MYL6B: variants seen among roughly 807,000 people sequenced by gnomAD.
The protein encoded by MYL6B is myosin alkali light chain 1 slow a.
MYL6B carries 19 observed loss-of-function variants against 24.5 expected under a neutral mutation model. The observed-to-expected ratio is 0.78, with a 90% confidence interval of 0.54 to 1.14. MYL6B has a LOEUF of 1.14. MYL6B is among the 50% of genes most tolerant of loss of function. The pLI, the probability that MYL6B is intolerant of heterozygous loss-of-function variation, is 0.00. For missense variants in MYL6B, 230 were observed against 263.8 expected (o/e 0.87, Z 0.89); for synonymous variants, 90 against 100.7 (o/e 0.89, Z 0.64).
chr12:56,155,565 G>T lies in MYL6B; in HGVS notation c.493G>T (p.Glu165Ter). 1.2e-6 allele frequency: 2 copies of T among 1,613,762 alleles called. No homozygotes were observed. The highest frequency in any genetic ancestry group is 1.7e-6 in the Non-Finnish European group (2 of 1,179,876). ...GGGGAACGGCAAAGTCATGGGAGCA[G>T]AGCTCAGACATGTTCTCACCACCCT... The change falls in exon 5 of 7, where the codon GAG becomes TAG. Residue 165 changes from glutamate (E) to a stop codon, truncating the protein, a stop_gained. Transcript: ENST00000553066. LOFTEE classifies it high-confidence loss of function.
At chr12:56,157,588 C>T (rs899991830) in intron 6 of MYL6B, 43 bp downstream of exon 6, 1 of 1,612,748 alleles carries the variant, frequency 6.2e-7, no homozygotes. Flanking sequence ...GGGAGGAGGG[C>T]AGCCTGGCGT....
At chr12:56,154,181 G>C in intron 2 of MYL6B, 89 bp downstream of exon 2, 4 of 1,317,344 alleles carry the variant, frequency 3.0e-6, no homozygotes, top group Non-Finnish European at 4.1e-6. Flanking sequence ...CTAGAAGGTA[G>C]GGAATCAGTG....
At chr12:56,155,176 C>T in exon 4 of MYL6B, 3 of 1,610,820 alleles carry the variant, frequency 1.9e-6, no homozygotes, top group South Asian at 1.1e-5. Context: ...TGCTCAAGGT[C>T]CTGGGGAACC....
chr12:56,157,802 T>G, exon 7 of MYL6B: 1 of 1,559,756 alleles, frequency 6.4e-7, no homozygotes, highest in Non-Finnish European at 8.7e-7. Context: ...TCAGCCAACA[T>G]AGAAAAGCAG....
At chr12:56,154,239 C>A in intron 2 of MYL6B, 147 bp downstream of exon 2, 5 of 810,926 alleles carry the variant, frequency 6.2e-6, no homozygotes, top group South Asian at 6.0e-5. Context: ...CATTTGGAAG[C>A]ATCCAGTCTT....
chr12:56,156,522 T>A (rs576893530), intron 5 of MYL6B, among the ~76,000 whole-genome samples: 29 of 151,390 alleles, frequency 1.9e-4, no homozygotes, highest in Non-Finnish European at 1.9e-4. Context: ...GGAGAATCGC[T>A]TTAACCCGGG....
chr12:56,155,688 C>T, intron 5 of MYL6B, 96 bp downstream of exon 5: 1 of 1,590,502 alleles, frequency 6.3e-7, no homozygotes. Flanking sequence ...TAGCAGGAGG[C>T]TTACTGTCCT....
At chr12:56,153,026 C>T (rs3759096) in intron 1 of MYL6B, among the ~76,000 whole-genome samples, 2 of 151,988 alleles carry the variant, frequency 1.3e-5, no homozygotes, top group African/African-American at 2.4e-5. Flanking sequence ...GCCATAGGAG[C>T]GCCCACATCC....
exon 3 of MYL6B, chr12:56,154,831 C>A: frequency 6.2e-7 from 1 of 1,613,018 alleles, no homozygotes; most frequent in Non-Finnish European, 8.5e-7. Context: ...TAACAAGGAC[C>A]AGCTGGAGGG....
At chr12:56,153,783 T>G (rs1871199157) in intron 1 of MYL6B, 90 bp from the exon 2 acceptor site, 1 of 887,896 alleles carries the variant, frequency 1.1e-6, no homozygotes, top group Admixed American at 2.9e-5. Flanking sequence ...CGGTTATATC[T>G]CTCCTCTACC....
chr12:56,157,181 G>A (rs1871354168), intron 5 of MYL6B: 1 of 388,900 alleles, frequency 2.6e-6, no homozygotes, highest in Admixed American at 3.8e-5. Flanking sequence ...TATGACCTGA[G>A]GTCAAGAGTT....
chr12:56,153,804 C>G, intron 1 of MYL6B, 69 bp from the exon 2 acceptor site: 1 of 1,131,850 alleles, frequency 8.8e-7, no homozygotes, highest in African/African-American at 1.6e-5. Flanking sequence ...TCATCTTTGC[C>G]ACAGCCAACT....
chr12:56,153,949 A>G (rs1253233445), exon 2 of MYL6B: 1 of 1,613,778 alleles, frequency 6.2e-7, no homozygotes, highest in Non-Finnish European at 8.5e-7. Context: ...TCCCGTGAAG[A>G]AACCAGCAGG....
At chr12:56,154,955 T>TC (rs1871249281) in intron 3 of MYL6B, 100 bp from the exon 4 acceptor site, 1 of 1,559,954 alleles carries the variant, frequency 6.4e-7, no homozygotes, top group Admixed American at 1.9e-5. Flanking sequence ...AGTCCTCTTT[T>TC]CCTCCCTTGT....
chr12:56,156,321 A>G (rs1871301793), intron 5 of MYL6B: 1 of 136,588 alleles, frequency 7.3e-6, no homozygotes, highest in Non-Finnish European at 1.6e-5. Context: ...AAAAAAAAAA[A>G]AGGCCAGACA....
At chr12:56,156,111 G>A in intron 5 of MYL6B, 6 of 788,826 alleles carry the variant, frequency 7.6e-6, no homozygotes, top group Non-Finnish European at 9.5e-6. Context: ...TTCGAGACCG[G>A]CCTGGCCAAC....
intron 5 of MYL6B, chr12:56,156,055 C>T: frequency 9.2e-7 from 1 of 1,085,670 alleles, no homozygotes; most frequent in Non-Finnish European, 1.1e-6. Context: ...CCTGTAATCC[C>T]AGCATTTTGG....
intron 2 of MYL6B, 147 bp from the exon 3 acceptor site, chr12:56,154,666 G>C: frequency 1.2e-6 from 1 of 850,932 alleles, no homozygotes; most frequent in East Asian, 2.5e-5. Flanking sequence ...CCAAGGCCCA[G>C]AGCTGGGAAT....
At chr12:56,157,472 G>C (rs756700216) in exon 6 of MYL6B, 2 of 1,614,088 alleles carry the variant, frequency 1.2e-6, no homozygotes, top group South Asian at 1.1e-5. Flanking sequence ...ATTCAGGAGA[G>C]AAGATGACTG....
Sources: allele counts gnomAD v4.1 joint callset (sites outside exome capture counted in the v4.1 genomes callset), GRCh38; gene constraint gnomAD v4.1.1; transcripts MANE v1.5; gene names NCBI Gene and HGNC (gene_info 2026-07-23, HGNC 2026-07-21).